Variants in SUGCT observed in about 807,000 individuals in gnomAD.
SUGCT encodes succinyl-CoA:glutarate CoA-transferase.
In SUGCT, 41 loss-of-function variants were observed where a neutral mutation model predicts 55.0. The ratio of observed to expected loss-of-function variants is 0.74; its 90% confidence interval spans 0.58 to 0.97. The LOEUF is 0.97. Among genes scored for constraint, SUGCT ranks in the 50% least tolerant of loss-of-function variants. The probability of loss-of-function intolerance (pLI) is 0.00; values close to 1 mark genes in which losing one functional copy is unlikely to be tolerated. For missense variants in SUGCT, 568 were observed against 547.8 expected (o/e 1.04, Z -0.37); for synonymous variants, 187 against 200.4 (o/e 0.93, Z 0.56).
intron 13 of SUGCT, among the ~76,000 whole-genome samples, chr7:40,779,511 A>T (rs532051901): frequency 1.3e-5 from 2 of 152,198 alleles, no homozygotes; most frequent in Admixed American, 6.5e-5. Flanking sequence ...AGACACTGCT[A>T]AGAGTAAGTG....
chr7:40,682,733 C>G (rs1011413136), intron 12 of SUGCT, among the ~76,000 whole-genome samples: 3 of 151,960 alleles, frequency 2.0e-5, no homozygotes, highest in Non-Finnish European at 2.9e-5. Flanking sequence ...CCCCACCCCC[C>G]AAAAAAATCC....
intron 13 of SUGCT, among the ~76,000 whole-genome samples, chr7:40,795,015 G>A (rs978822494): frequency 6.6e-6 from 1 of 151,984 alleles, no homozygotes; most frequent in Admixed American, 6.6e-5. Flanking sequence ...CTGGAATAGC[G>A]CTTCCCAAAG....
the SUGCT span, among the ~76,000 whole-genome samples, chr7:40,904,084 G>A: frequency 1.2e-3 from 180 of 152,294 alleles, no homozygotes; most frequent in African/African-American, 4.1e-3. Context: ...CAATCATTAC[G>A]ACTTTATTAT....
chr7:40,249,000 T>C (rs971523884), intron 7 of SUGCT, among the ~76,000 whole-genome samples: 5 of 151,838 alleles, frequency 3.3e-5, no homozygotes, highest in African/African-American at 4.8e-5. Context: ...TTAAAATACA[T>C]GTTCCCTGGG....
intron 6 of SUGCT, among the ~76,000 whole-genome samples, chr7:40,216,894 C>A (rs912324627): frequency 1.3e-5 from 2 of 151,262 alleles, no homozygotes; most frequent in Non-Finnish European, 2.9e-5. Context: ...TTTATTAATA[C>A]CCTCTCCATA....
intron 6 of SUGCT, among the ~76,000 whole-genome samples, chr7:40,220,650 A>G (rs1416679050): frequency 6.6e-6 from 1 of 152,160 alleles, no homozygotes. Flanking sequence ...AAAGTGGGAA[A>G]TTTTCTCTTC....
intron 11 of SUGCT, among the ~76,000 whole-genome samples, chr7:40,468,830 TC>T (rs1790263172): frequency 1.3e-5 from 2 of 152,240 alleles, no homozygotes; most frequent in Non-Finnish European, 1.5e-5. Context: ...TTTTCCCAGA[TC>T]TTTGCCTCAG....
At chr7:41,014,105 A>T in the SUGCT span, among the ~76,000 whole-genome samples, 1 of 152,118 alleles carries the variant, frequency 6.6e-6, no homozygotes, top group Non-Finnish European at 1.5e-5. Flanking sequence ...ACCAATGCTC[A>T]TTTTCTTCTT....
At chr7:40,272,098 T>C (rs904869540) in intron 7 of SUGCT, among the ~76,000 whole-genome samples, 2 of 102,830 alleles carry the variant, frequency 1.9e-5, no homozygotes, top group Non-Finnish European at 4.0e-5. Flanking sequence ...TCTCTCTCTA[T>C]ATATATATAT....
At chr7:40,725,478 A>G (rs1786565258) in intron 12 of SUGCT, among the ~76,000 whole-genome samples, 1 of 149,878 alleles carries the variant, frequency 6.7e-6, no homozygotes, top group African/African-American at 2.5e-5. Context: ...TTCCTTTTAA[A>G]GTTTCTCCTT....
chr7:40,740,699 C>T (rs1787413491), intron 12 of SUGCT, among the ~76,000 whole-genome samples: 1 of 151,768 alleles, frequency 6.6e-6, no homozygotes, highest in Non-Finnish European at 1.5e-5. Context: ...TCCCTTCAAT[C>T]CCTAACTTGT....
intron 12 of SUGCT, among the ~76,000 whole-genome samples, chr7:40,572,752 G>T (rs1448151131): frequency 1.3e-5 from 2 of 152,130 alleles, no homozygotes; most frequent in Non-Finnish European, 2.9e-5. Flanking sequence ...GTCGCTGCTG[G>T]CTTTCAATTT....
chr7:40,972,712 G>C, the SUGCT span, among the ~76,000 whole-genome samples: 3 of 152,258 alleles, frequency 2.0e-5, no homozygotes, highest in East Asian at 3.9e-4. Flanking sequence ...CTACATTCTT[G>C]CCATATCCAG....
Position 40,832,968 on chromosome 7 carries a change from C to T in SUGCT, c.1154-27348C>T, listed in dbSNP as rs116581108. On this transcript the variant is annotated intron_variant, in intron 13 of 13. Coordinates refer to ENST00000335693, the MANE Select transcript of SUGCT (RefSeq NM_001193313.2). ...GGATTACAGGCGTGAGTCACTGTGC[C>T]GGGCCTCTTCCACTCCTACTTCTAT... 2.6e-3 allele frequency among the ~76,000 whole-genome samples: 388 copies of T among 151,994 alleles called. 3 individuals carry two copies. Among genetic ancestry groups the T allele is most frequent in the African/African-American group, 7.5e-3 (311 of 41,482 alleles).
chr7:40,180,059 T>G (rs1785108398), intron 1 of SUGCT, among the ~76,000 whole-genome samples: 1 of 152,196 alleles, frequency 6.6e-6, no homozygotes, highest in African/African-American at 2.4e-5. Flanking sequence ...CATGTAAGTA[T>G]GCTGTCAAGA....
chr7:40,460,883 C>A (rs986391377), intron 11 of SUGCT, among the ~76,000 whole-genome samples: 1 of 152,112 alleles, frequency 6.6e-6, no homozygotes, highest in South Asian at 2.1e-4. Flanking sequence ...AAGGAATCGA[C>A]CTGCAAGGAA....
intron 1 of SUGCT, among the ~76,000 whole-genome samples, chr7:40,172,729 C>A (rs1329749158): frequency 3.3e-5 from 5 of 152,108 alleles, no homozygotes; most frequent in African/African-American, 4.8e-5. Context: ...TGTCTCTAGT[C>A]AGCCCTCAGC....
chr7:40,959,894 A>G, the SUGCT span, among the ~76,000 whole-genome samples: 7,724 of 152,222 alleles, frequency 0.051, 293 homozygotes, highest in South Asian at 0.16. Context: ...TTCTCAAGGC[A>G]CAGTCCCTCA....
At chr7:40,478,410 A>G (rs1790833051) in intron 11 of SUGCT, among the ~76,000 whole-genome samples, 1 of 152,214 alleles carries the variant, frequency 6.6e-6, no homozygotes, top group South Asian at 2.1e-4. Context: ...TGCGCGAGGT[A>G]GGAATCATCA....
Sources: allele counts gnomAD v4.1 joint callset (sites outside exome capture counted in the v4.1 genomes callset), GRCh38; gene constraint gnomAD v4.1.1; transcripts MANE v1.5; gene names NCBI Gene and HGNC (gene_info 2026-07-23, HGNC 2026-07-21).